The following SPOCK3 variants were observed in gnomAD, a reference collection of about 807,000 sequenced individuals.
SPOCK3 encodes SPARC (osteonectin), cwcv and kazal like domains proteoglycan 3.
Under a neutral mutation model 56.6 loss-of-function variants are expected in SPOCK3, and 30 were observed. That is an observed-to-expected ratio of 0.53 (90% CI 0.40 to 0.72). The LOEUF (loss-of-function observed/expected upper bound fraction) is 0.72. Ranked by LOEUF, SPOCK3 falls within the 30% of genes least tolerant of loss-of-function variation. SPOCK3 has a pLI of 0.00. For synonymous variants in SPOCK3, 196 were observed against 183.3 expected, an observed-to-expected ratio of 1.07 and a Z score of -0.56; for missense variants, 527 against 530.0, an observed-to-expected ratio of 0.99 and a Z score of 0.06.
At chr4:166,762,092 T>G (rs1737315432) in intron 7 of SPOCK3, among the ~76,000 whole-genome samples, 1 of 133,678 alleles carries the variant, frequency 7.5e-6, no homozygotes, top group Non-Finnish European at 1.7e-5. Context: ...AATTTCAGTG[T>G]TTTTGTTGTT....
chr4:166,737,658 C>T, intron 9 of SPOCK3, 54 bp from the exon 10 acceptor site: 9 of 1,549,358 alleles, frequency 5.8e-6, no homozygotes, highest in South Asian at 1.2e-5. Flanking sequence ...TATGAATAAG[C>T]TGTGCTCCTT....
At chr4:166,884,372 A>C (rs1187488504) in intron 6 of SPOCK3, among the ~76,000 whole-genome samples, 3 of 151,578 alleles carry the variant, frequency 2.0e-5, no homozygotes, top group Non-Finnish European at 4.4e-5. Flanking sequence ...ACAAAAAAAA[A>C]AATGAAAAAA....
intron 3 of SPOCK3, among the ~76,000 whole-genome samples, chr4:167,014,371 C>A (rs1378299413): frequency 1.3e-5 from 2 of 151,532 alleles, no homozygotes; most frequent in Non-Finnish European, 2.9e-5. Flanking sequence ...ACACACCAGG[C>A]AAGATGGCTC....
intron 6 of SPOCK3, among the ~76,000 whole-genome samples, chr4:166,811,136 C>T (rs1364188129): frequency 6.6e-6 from 1 of 151,694 alleles, no homozygotes; most frequent in Non-Finnish European, 1.5e-5. Flanking sequence ...ATTTCGCATT[C>T]CCATTATCAA....
intron 2 of SPOCK3, among the ~76,000 whole-genome samples, chr4:167,120,217 T>C (rs573738534): frequency 1.3e-5 from 2 of 152,186 alleles, no homozygotes; most frequent in Non-Finnish European, 2.9e-5. Flanking sequence ...TTTCTAGCTA[T>C]GAAGCTTTGG....
intron 2 of SPOCK3, among the ~76,000 whole-genome samples, chr4:167,086,673 T>C (rs183359483): frequency 1.2e-4 from 19 of 152,256 alleles, no homozygotes; most frequent in African/African-American, 4.6e-4. Flanking sequence ...GTCATTAAAC[T>C]GTCATTGTAT....
chr4:166,994,974 G>T (rs1748200066), intron 4 of SPOCK3, among the ~76,000 whole-genome samples: 1 of 152,018 alleles, frequency 6.6e-6, no homozygotes, highest in Non-Finnish European at 1.5e-5. Context: ...ATAGGGTGGT[G>T]GTAAGATAAG....
chr4:166,953,065 A>G (rs896077600), intron 4 of SPOCK3, among the ~76,000 whole-genome samples: 1 of 151,972 alleles, frequency 6.6e-6, no homozygotes, highest in Non-Finnish European at 1.5e-5. Flanking sequence ...AATGGCAACA[A>G]AAGCCAAAAT....
chr4:167,135,063 CATATAA>C (rs1401327850), intron 2 of SPOCK3, among the ~76,000 whole-genome samples: 6 of 150,034 alleles, frequency 4.0e-5, no homozygotes, highest in African/African-American at 7.3e-5. Flanking sequence ...GGCTCAAACA[CATATAA>C]ATATAAATAT....
chr4:166,831,698 T>A (rs1746074158), intron 6 of SPOCK3, among the ~76,000 whole-genome samples: 1 of 150,618 alleles, frequency 6.6e-6, no homozygotes, highest in Non-Finnish European at 1.5e-5. Flanking sequence ...GTCTATTATA[T>A]GGACCTATTT....
chr4:167,090,834 C>A (rs979272471), intron 2 of SPOCK3, among the ~76,000 whole-genome samples: 1 of 151,962 alleles, frequency 6.6e-6, no homozygotes, highest in African/African-American at 2.4e-5. Context: ...ATTTTACTAA[C>A]CTGTTTTTTT....
chr4:167,158,184 A>G (rs1764973805), intron 2 of SPOCK3, among the ~76,000 whole-genome samples: 1 of 152,096 alleles, frequency 6.6e-6, no homozygotes, highest in African/African-American at 2.4e-5. Context: ...AGTTTACAGT[A>G]ATTTTAATCT....
intron 6 of SPOCK3, among the ~76,000 whole-genome samples, chr4:166,865,210 G>T (rs548849531): frequency 6.6e-6 from 1 of 152,048 alleles, no homozygotes; most frequent in Non-Finnish European, 1.5e-5. Flanking sequence ...ATGCAGAAAA[G>T]GCCTTCGATA....
At position 167,231,464 on chromosome 4, in the gene SPOCK3, C is replaced by T. The variant is rs955943539; in HGVS notation, c.189+2521G>A. On this transcript the variant is annotated intron_variant, in intron 2 of 10. Coordinates refer to ENST00000357545, the MANE Select transcript of SPOCK3 (RefSeq NM_001040159.2). ...TTTCTCAAATAAGAGGTTCAGAATT[C>T]CATGTTTCTTTGCCCTCATATAAAG... is the stretch of plus-strand genomic sequence containing the variant. 3.3e-5 allele frequency among the ~76,000 whole-genome samples: 5 copies of T among 152,148 alleles called. No homozygotes were observed. In the East Asian group the frequency reaches 9.6e-4, roughly 29 times the overall value.
intron 6 of SPOCK3, among the ~76,000 whole-genome samples, chr4:166,852,142 T>A (rs1210778099): frequency 6.6e-6 from 1 of 151,212 alleles, no homozygotes; most frequent in East Asian, 2.0e-4. Context: ...CTCTGGGAAC[T>A]GTTGTGGGTT....
intron 2 of SPOCK3, among the ~76,000 whole-genome samples, chr4:167,181,557 C>A (rs181358728): frequency 1.4e-4 from 21 of 152,264 alleles, no homozygotes; most frequent in African/African-American, 5.1e-4. Flanking sequence ...TGATCTTCCT[C>A]CTTACTACCA....
chr4:166,956,172 G>A (rs1178069476), intron 4 of SPOCK3, among the ~76,000 whole-genome samples: 2 of 151,618 alleles, frequency 1.3e-5, no homozygotes, highest in African/African-American at 4.9e-5. Flanking sequence ...TATGTGCCAA[G>A]CCCCCCAGTA....
At chr4:166,778,622 C>T (rs1331947447) in intron 7 of SPOCK3, among the ~76,000 whole-genome samples, 1 of 152,078 alleles carries the variant, frequency 6.6e-6, no homozygotes, top group African/African-American at 2.4e-5. Context: ...TTCCTCTCTT[C>T]AAACTGTCAT....
At chr4:167,151,232 T>A (rs1281854297) in intron 2 of SPOCK3, among the ~76,000 whole-genome samples, 1 of 152,124 alleles carries the variant, frequency 6.6e-6, no homozygotes, top group Non-Finnish European at 1.5e-5. Context: ...GTAGTCGAGT[T>A]AAAATTCATT....
Sources: allele counts gnomAD v4.1 joint callset (sites outside exome capture counted in the v4.1 genomes callset), GRCh38; gene constraint gnomAD v4.1.1; transcripts MANE v1.5; gene names NCBI Gene and HGNC (gene_info 2026-07-23, HGNC 2026-07-21).